Variants in MRPL42 observed in about 807,000 individuals in gnomAD.
The protein encoded by MRPL42 is large ribosomal subunit protein mL42.
A neutral mutation model predicts 17.9 loss-of-function variants in MRPL42; 17 were observed. The ratio of observed to expected loss-of-function variants is 0.95; its 90% CI spans 0.65 to 1.42. The LOEUF (loss-of-function observed/expected upper bound fraction) is 1.42. MRPL42 is among the 40% of genes most tolerant of loss of function. The pLI is 0.00. For missense variants in MRPL42, 177 were observed against 175.2 expected (o/e 1.01, Z -0.06); for synonymous variants, 59 against 54.4 (o/e 1.08, Z -0.37).
chr12:93,470,461 T>A (rs1373855707), intron 2 of MRPL42: 6 of 1,278,202 alleles, frequency 4.7e-6, no homozygotes, highest in Non-Finnish European at 5.1e-6. Flanking sequence ...GTGAGCCAAC[T>A]TTTTATTTTT....
chr12:93,503,662 G>A lies in MRPL42; in HGVS notation c.*2441G>A, dbSNP rs969420104. 2 of 151,950 alleles carry A rather than the reference G, an allele frequency of 1.3e-5. No individual in the cohort carries two copies. Among genetic ancestry groups the A allele is most frequent in the South Asian group, 2.1e-4 (1 of 4,808 alleles). 9.4% of individuals were successfully genotyped at this position (151,950 alleles called of 1,614,324 possible). A position where few individuals can be genotyped will look rare whatever the true frequency, so the allele number is the denominator to read the frequency against. ...GGCCTCCAAAAGTATGGGATTACAG[G>A]TGTGAGCCACTGTGCCCAGCCTTAT... On this transcript the variant is annotated 3_prime_UTR_variant, in exon 6 of 6. Transcript: ENST00000549982.
chr12:93,484,995 T>TACAC lies in MRPL42; in HGVS notation c.220-2501_220-2500insCACA, dbSNP rs1565813811. 8.2e-5 allele frequency among the ~76,000 whole-genome samples: 5 copies of TACAC among 60,834 alleles called. 1 individual carries two copies. The highest frequency in any genetic ancestry group is 4.9e-4 in the African/African-American group (5 of 10,176). The allele number at this position is 60,834 out of a possible 152,430, so 39.9% of individuals were successfully genotyped here. ...ACACACACACATATATATATATATA[T>TACAC]ATATATATATATATATATATATATA... On this transcript the variant is annotated intron_variant, in intron 4 of 5. Transcript: ENST00000549982.
chr12:93,475,092 A>G (rs1880098797), intron 2 of MRPL42, among the ~76,000 whole-genome samples: 1 of 152,036 alleles, frequency 6.6e-6, no homozygotes, highest in South Asian at 2.1e-4. Context: ...AGGGAGAGTA[A>G]AAAGGATTTC....
rs1317287320 is a variant in MRPL42 at position 93,509,312 on chromosome 12, T to C, written c.*8091T>C. 1 of 152,208 alleles carries C rather than the reference T, an allele frequency of 6.6e-6. No individual in the cohort carries two copies. Among genetic ancestry groups the C allele is most frequent in the East Asian group, 1.9e-4 (1 of 5,204 alleles). The allele number at this position is 152,208 out of a possible 1,614,324, so 9.4% of individuals were successfully genotyped here. A position where few individuals can be genotyped will look rare whatever the true frequency, so the allele number is the denominator to read the frequency against. ...CCCTCATTTGATAATATTTTTAGTT[T>C]TAGCCATTCTAATGGATATATAGTA... is the stretch of plus-strand genomic sequence containing the variant. On this transcript the variant is annotated 3_prime_UTR_variant, in exon 6 of 6. Coordinates refer to ENST00000549982, the MANE Select transcript of MRPL42 (RefSeq NM_014050.4).
chr12:93,470,498 A>C, intron 2 of MRPL42: 2 of 1,290,792 alleles, frequency 1.5e-6, no homozygotes, highest in Non-Finnish European at 2.0e-6. Flanking sequence ...TCGGGCGTAC[A>C]TGTGCAGGTT....
At position 93,512,163 on chromosome 12, in the gene MRPL42, TA is replaced by T. The variant is rs1355016623; in HGVS notation, c.*10943del. 1 of 152,132 alleles carries T rather than the reference TA, an allele frequency of 6.6e-6. No homozygotes were observed. The highest frequency in any genetic ancestry group is 1.5e-5 in the Non-Finnish European group (1 of 68,006). 9.4% of individuals were successfully genotyped at this position (152,132 alleles called of 1,614,324 possible). ...GTTTGGTCCCAGCTTTATAAAGATATACATTGGGCTGGGTGCGGTGGCTCAT... is the reference window on the plus strand; with the variant it reads ...GTTTGGTCCCAGCTTTATAAAGATATCATTGGGCTGGGTGCGGTGGCTCAT... On this transcript the variant is annotated 3_prime_UTR_variant, in exon 6 of 6. Transcript: ENST00000549982.
intron 2 of MRPL42, among the ~76,000 whole-genome samples, chr12:93,476,691 T>C (rs1241723839): frequency 6.6e-6 from 1 of 152,234 alleles, no homozygotes; most frequent in Admixed American, 6.5e-5. Context: ...CCTTTCTGTG[T>C]GGCCCATCTT....
At position 93,479,565 on chromosome 12, in the gene MRPL42, T is replaced by A. The variant is rs1880357601; in HGVS notation, c.219+93T>A. On this transcript the variant is annotated intron_variant, in intron 4 of 5. Coordinates refer to ENST00000549982, the MANE Select transcript of MRPL42 (RefSeq NM_014050.4). Reference sequence around the variant, plus strand: ...TCCAAAAAGAAGGGAGTCATCTGATTTTCTTTGTTTTAGATTTTCTTTTGG... The same window carrying A: ...TCCAAAAAGAAGGGAGTCATCTGATATTCTTTGTTTTAGATTTTCTTTTGG... The A allele has an allele frequency of 6.0e-6, 4 of 661,172 alleles. No individual in the cohort carries two copies. The Admixed American group carries it at 1.0e-4, about 17-fold the overall frequency. The allele number at this position is 661,172 out of a possible 1,614,324, so 41.0% of individuals were successfully genotyped here. A position where few individuals can be genotyped will look rare whatever the true frequency, so the allele number is the denominator to read the frequency against.
chr12:93,470,827 T>C (rs1301376194), intron 2 of MRPL42, among the ~76,000 whole-genome samples: 1 of 152,270 alleles, frequency 6.6e-6, no homozygotes, highest in Non-Finnish European at 1.5e-5. Context: ...ATCCATGGTA[T>C]GCATATACAC....
chr12:93,497,744 G>GAA (rs34441413), intron 5 of MRPL42, among the ~76,000 whole-genome samples: 50 of 142,184 alleles, frequency 3.5e-4, no homozygotes, highest in South Asian at 1.4e-3. Flanking sequence ...AATCAGGCAA[G>GAA]AAAAAAAAAA....
chr12:93,480,588 C>G (rs1880411668), intron 4 of MRPL42, among the ~76,000 whole-genome samples: 1 of 150,624 alleles, frequency 6.6e-6, no homozygotes, highest in African/African-American at 2.4e-5. Context: ...GTTGCCCAGG[C>G]TGGAGTGCAA....
intron 5 of MRPL42, among the ~76,000 whole-genome samples, chr12:93,492,140 T>A (rs551107886): frequency 9.2e-5 from 14 of 152,320 alleles, no homozygotes; most frequent in Admixed American, 9.1e-4. Context: ...TACCTAGTAA[T>A]GGGATTGGTG....
intron 4 of MRPL42, among the ~76,000 whole-genome samples, chr12:93,484,400 A>G (rs1225376224): frequency 6.6e-6 from 1 of 152,054 alleles, no homozygotes; most frequent in Non-Finnish European, 1.5e-5. Flanking sequence ...TGTGCTATAC[A>G]TAATTGTATG....
intron 2 of MRPL42, among the ~76,000 whole-genome samples, chr12:93,472,583 T>TA (rs374307623): frequency 6.6e-6 from 1 of 151,782 alleles, no homozygotes. Flanking sequence ...GTCTCAAAAA[T>TA]AAAAAATTAA....
chr12:93,469,490 ATG>A, intron 2 of MRPL42, 135 bp downstream of exon 2: 1 of 635,356 alleles, frequency 1.6e-6, no homozygotes, highest in East Asian at 2.9e-5. Flanking sequence ...GAAAACCTAA[ATG>A]TCAGTCAGAA....
At chr12:93,493,034 C>CG (rs1953443233) in intron 5 of MRPL42, among the ~76,000 whole-genome samples, 1 of 89,928 alleles carries the variant, frequency 1.1e-5, no homozygotes, top group African/African-American at 4.6e-5. Context: ...ACCCAGAAAA[C>CG]TTTACCTCCT....
At chr12:93,469,684 A>C (rs145569294) in intron 2 of MRPL42, among the ~76,000 whole-genome samples, 1 of 152,318 alleles carries the variant, frequency 6.6e-6, no homozygotes, top group African/African-American at 2.4e-5. Flanking sequence ...GTACATCTGA[A>C]CTGTGACTGT....
chr12:93,482,056 G>A (rs140569404), intron 4 of MRPL42, among the ~76,000 whole-genome samples: 156 of 152,032 alleles, frequency 1.0e-3, no homozygotes, highest in African/African-American at 3.5e-3. Flanking sequence ...TCTAGTTTAG[G>A]TAAGTAATCA....
At chr12:93,490,489 T>A (rs181289437) in intron 5 of MRPL42, among the ~76,000 whole-genome samples, 6 of 152,360 alleles carry the variant, frequency 3.9e-5, no homozygotes, top group Admixed American at 3.9e-4. Context: ...TCCTTGTAGA[T>A]GTATCATCTT....
Sources: gnomAD v4.1 joint callset for allele counts (sites outside exome capture counted in the v4.1 genomes callset) on GRCh38, gnomAD v4.1.1 for gene constraint, MANE v1.5 for transcripts, NCBI Gene and HGNC (gene_info 2026-07-23, HGNC 2026-07-21) for gene names.